RCOR1: variants seen among roughly 807,000 people sequenced by gnomAD.
RCOR1 encodes the protein REST corepressor.
RCOR1 carries 12 observed loss-of-function variants against 64.0 expected under a neutral mutation model. That is an observed-to-expected ratio of 0.19 (90% confidence interval 0.12 to 0.30). The LOEUF is 0.30. Ranked by LOEUF, RCOR1 falls within the 10% of genes least tolerant of loss-of-function variation. The pLI, the probability that RCOR1 is intolerant of heterozygous loss-of-function variation, is 1.00. For missense variants in RCOR1, 502 were observed against 621.2 expected (o/e 0.81, Z 2.04); for synonymous variants, 279 against 227.2 (o/e 1.23, Z -2.05).
intron 2 of RCOR1, among the ~76,000 whole-genome samples, chr14:102,594,728 A>G (rs74082430): frequency 2.4e-4 from 36 of 150,422 alleles, no homozygotes; most frequent in African/African-American, 8.1e-4. Context: ...TGGCCAGGCT[A>G]TATCTCTTGT....
At chr14:102,628,969 C>T (rs1347764821) in intron 2 of RCOR1, among the ~76,000 whole-genome samples, 1 of 151,144 alleles carries the variant, frequency 6.6e-6, no homozygotes, top group Non-Finnish European at 1.5e-5. Context: ...CTGCTCACTG[C>T]AAACTCCACC....
intron 8 of RCOR1, among the ~76,000 whole-genome samples, chr14:102,718,394 T>G (rs1896109153): frequency 6.6e-6 from 1 of 152,180 alleles, no homozygotes. Context: ...CTGCTCTTCC[T>G]CCTTCCCAAG....
intron 2 of RCOR1, among the ~76,000 whole-genome samples, chr14:102,619,104 A>ATCTG (rs71119723): frequency 0.019 from 2,925 of 151,524 alleles, 41 homozygotes; most frequent in African/African-American, 0.035. Context: ...TAGCTAAAGG[A>ATCTG]TCTGTCTGTC....
intron 2 of RCOR1, among the ~76,000 whole-genome samples, chr14:102,597,781 G>A (rs907826393): frequency 6.6e-6 from 1 of 151,588 alleles, no homozygotes; most frequent in Non-Finnish European, 1.5e-5. Context: ...TTACAGGCGT[G>A]TGCCACTATG....
At chr14:102,693,466 G>A (rs1013467676) in intron 3 of RCOR1, among the ~76,000 whole-genome samples, 2 of 152,176 alleles carry the variant, frequency 1.3e-5, no homozygotes, top group Admixed American at 6.5e-5. Context: ...TAACTTGTTT[G>A]TATAGCAGTG....
At chr14:102,659,230 A>G (rs1220742389) in intron 2 of RCOR1, 2 of 985,172 alleles carry the variant, frequency 2.0e-6, no homozygotes. Context: ...ATATTTGCAT[A>G]TGAACAAGTG....
At chr14:102,596,247 A>G (rs1313213943) in intron 2 of RCOR1, among the ~76,000 whole-genome samples, 1 of 151,754 alleles carries the variant, frequency 6.6e-6, no homozygotes, top group African/African-American at 2.4e-5. Context: ...GATTACAGGC[A>G]TGCGCCACCA....
intron 10 of RCOR1, 116 bp from the exon 11 acceptor site, chr14:102,722,070 TG>T: frequency 1.4e-6 from 1 of 720,182 alleles, no homozygotes. Context: ...ACGAAATTAT[TG>T]CCTGCTGTTA....
At chr14:102,710,285 C>A (rs1041573729) in intron 6 of RCOR1, among the ~76,000 whole-genome samples, 3 of 152,188 alleles carry the variant, frequency 2.0e-5, no homozygotes, top group African/African-American at 7.2e-5. Flanking sequence ...TTTACAGTTG[C>A]ATTCCTACCT....
rs150201916 is a variant in RCOR1, at chr14:102,729,970, A to G, written c.*3464A>G. 203 of 399,028 alleles carry G rather than the reference A, an allele frequency of 5.1e-4. No individual in the cohort carries two copies. The highest frequency in any genetic ancestry group is 6.9e-4 in the Non-Finnish European group (155 of 226,060). The allele number at this position is 399,028 out of a possible 1,614,324, so 24.7% of individuals were successfully genotyped here. Reference sequence around the variant, plus strand: ...CCAGGTAGCCAGGTCACCTAAACCTAGTGGTCCTGTGCGATGCTCTTTCTG... The same window carrying G: ...CCAGGTAGCCAGGTCACCTAAACCTGGTGGTCCTGTGCGATGCTCTTTCTG... On this transcript the variant is annotated 3_prime_UTR_variant, in exon 12 of 12. Transcript: ENST00000262241.
intron 2 of RCOR1, among the ~76,000 whole-genome samples, chr14:102,599,003 T>G (rs1324223732): frequency 6.6e-6 from 1 of 152,190 alleles, no homozygotes; most frequent in Non-Finnish European, 1.5e-5. Flanking sequence ...ATTGGTTTCT[T>G]TTAATATTCA....
intron 10 of RCOR1, 111 bp downstream of exon 10, chr14:102,721,488 C>G: frequency 2.9e-6 from 2 of 690,184 alleles, no homozygotes; most frequent in East Asian, 5.6e-5. Context: ...GAGCTCAAGG[C>G]TGCATTGATC....
At chr14:102,594,175 A>G (rs1893195688) in intron 2 of RCOR1, among the ~76,000 whole-genome samples, 1 of 152,230 alleles carries the variant, frequency 6.6e-6, no homozygotes, top group Non-Finnish European at 1.5e-5. Flanking sequence ...GATTCTAGCC[A>G]GTGTCTGTAT....
intron 1 of RCOR1, 23 bp downstream of exon 1, chr14:102,593,210 G>T (rs745328856): frequency 9.5e-6 from 14 of 1,475,334 alleles, no homozygotes; most frequent in Non-Finnish European, 1.3e-5. Context: ...CGCCCCCGCG[G>T]CCCCGGGCCC....
chr14:102,602,736 C>T (rs575763573), intron 2 of RCOR1, among the ~76,000 whole-genome samples: 3 of 152,060 alleles, frequency 2.0e-5, no homozygotes, highest in South Asian at 2.1e-4. Flanking sequence ...GACTTGATAT[C>T]GTTCTGCCTC....
At chr14:102,641,397 C>T (rs191403712) in intron 2 of RCOR1, among the ~76,000 whole-genome samples, 253 of 152,058 alleles carry the variant, frequency 1.7e-3, no homozygotes, top group African/African-American at 5.7e-3. Flanking sequence ...CCCAGGAGTT[C>T]GGGACCAACC....
chr14:102,720,633 G>A (rs1420882735), intron 8 of RCOR1, among the ~76,000 whole-genome samples: 1 of 152,124 alleles, frequency 6.6e-6, no homozygotes, highest in African/African-American at 2.4e-5. Context: ...CCTTACTGTG[G>A]CTGCTCTGTT....
chr14:102,672,055 A>G (rs1895041622), intron 2 of RCOR1, among the ~76,000 whole-genome samples: 1 of 152,116 alleles, frequency 6.6e-6, no homozygotes, highest in African/African-American at 2.4e-5. Context: ...GACATACTGC[A>G]TTTTTTTATT....
intron 2 of RCOR1, among the ~76,000 whole-genome samples, chr14:102,636,273 G>C (rs939187177): frequency 6.6e-6 from 1 of 151,534 alleles, no homozygotes; most frequent in South Asian, 2.1e-4. Flanking sequence ...TTTTTTTAAC[G>C]TAGAAATCTT....
Sources: allele counts gnomAD v4.1 joint callset (sites outside exome capture counted in the v4.1 genomes callset), GRCh38; gene constraint gnomAD v4.1.1; transcripts MANE v1.5; gene names NCBI Gene and HGNC (gene_info 2026-07-23, HGNC 2026-07-21).